PITPNC1: variants seen among roughly 807,000 people sequenced by gnomAD.
PITPNC1 encodes phosphatidylinositol transfer protein cytoplasmic 1.
A neutral mutation model predicts 44.7 loss-of-function variants in PITPNC1; 18 were observed. That is an observed-to-expected ratio of 0.40 (90% CI 0.28 to 0.60). The LOEUF (loss-of-function observed/expected upper bound fraction) is 0.60, where lower values mean the gene tolerates loss of function less well. Ranked by LOEUF, PITPNC1 falls within the 20% of genes least tolerant of loss-of-function variation. The pLI, the probability that PITPNC1 is intolerant of heterozygous loss-of-function variation, is 0.39. For synonymous variants in PITPNC1, 141 were observed against 149.6 expected (o/e 0.94, Z 0.42); for missense variants, 290 against 418.4 (o/e 0.69, Z 2.68).
intron 1 of PITPNC1, among the ~76,000 whole-genome samples, chr17:67,496,114 CTTT>C (rs2039949182): frequency 6.6e-6 from 1 of 152,082 alleles, no homozygotes; most frequent in African/African-American, 2.4e-5. Flanking sequence ...ATAGAGAGTG[CTTT>C]TGGAATACTA....
At chr17:67,548,294 A>C (rs564931331) in intron 2 of PITPNC1, among the ~76,000 whole-genome samples, 2 of 152,324 alleles carry the variant, frequency 1.3e-5, no homozygotes, top group African/African-American at 4.8e-5. Flanking sequence ...ACCAACGTTT[A>C]AAAGTAAGAA....
chr17:67,534,001 A>G lies in PITPNC1; in HGVS notation c.197+1051A>G, dbSNP rs934204154. Reference sequence around the variant, plus strand: ...CCTCCGCCTCCTGGGTTCAAGTGATACTCCTGCTTCAGCCTCCCGAGTAGC... The same window carrying G: ...CCTCCGCCTCCTGGGTTCAAGTGATGCTCCTGCTTCAGCCTCCCGAGTAGC... On this transcript the variant is annotated intron_variant, in intron 2 of 8. Coordinates refer to ENST00000581322, the MANE Select transcript of PITPNC1 (RefSeq NM_012417.4). Among the ~76,000 whole-genome samples the G allele has an allele frequency of 5.3e-4, 80 of 150,934 alleles. 1 individual carries two copies. Among genetic ancestry groups the G allele is most frequent in the African/African-American group, 1.8e-3 (74 of 40,970 alleles).
At chr17:67,629,422 G>A (rs2041938221) in intron 5 of PITPNC1, among the ~76,000 whole-genome samples, 1 of 152,152 alleles carries the variant, frequency 6.6e-6, no homozygotes, top group African/African-American at 2.4e-5. Context: ...ACAGGCACAT[G>A]CCAACATGCC....
chr17:67,581,474 G>A (rs537301987), intron 5 of PITPNC1, among the ~76,000 whole-genome samples: 1 of 152,286 alleles, frequency 6.6e-6, no homozygotes, highest in African/African-American at 2.4e-5. Flanking sequence ...GCCTGTCATG[G>A]CACCCAACTT....
intron 6 of PITPNC1, among the ~76,000 whole-genome samples, chr17:67,648,384 T>C (rs1027299907): frequency 2.0e-5 from 3 of 152,234 alleles, no homozygotes; most frequent in African/African-American, 7.2e-5. Flanking sequence ...GTTCAAAGGC[T>C]GCAAACCGAG....
At chr17:67,583,273 T>C (rs1011981330) in intron 5 of PITPNC1, among the ~76,000 whole-genome samples, 26 of 152,196 alleles carry the variant, frequency 1.7e-4, no homozygotes, top group African/African-American at 5.3e-4. Context: ...AGACCAGCAG[T>C]TCTCAATCAC....
chr17:67,553,703 T>G (rs1427291314), intron 4 of PITPNC1, 86 bp downstream of exon 4: 4 of 505,346 alleles, frequency 7.9e-6, no homozygotes, highest in Admixed American at 4.1e-5. Context: ...GTCTTATCAA[T>G]GTAATAATTA....
At chr17:67,515,125 C>A (rs2040241700) in intron 1 of PITPNC1, among the ~76,000 whole-genome samples, 1 of 152,162 alleles carries the variant, frequency 6.6e-6, no homozygotes, top group African/African-American at 2.4e-5. Context: ...ACCAGGCTGA[C>A]CTTCATTCCG....
At chr17:67,666,377 G>A (rs1359617140) in intron 6 of PITPNC1, among the ~76,000 whole-genome samples, 1 of 152,136 alleles carries the variant, frequency 6.6e-6, no homozygotes, top group Non-Finnish European at 1.5e-5. Context: ...TCAGGAAGGG[G>A]GACCAGTGCC....
intron 1 of PITPNC1, among the ~76,000 whole-genome samples, chr17:67,381,905 T>C (rs1383648998): frequency 7.2e-5 from 11 of 152,126 alleles, no homozygotes; most frequent in Admixed American, 7.2e-4. Flanking sequence ...CATTTAACAC[T>C]CTGGTGGTGG....
At chr17:67,564,400 C>T (rs1224233748) in intron 4 of PITPNC1, among the ~76,000 whole-genome samples, 1 of 152,112 alleles carries the variant, frequency 6.6e-6, no homozygotes, top group East Asian at 1.9e-4. Context: ...TATCCAAGGA[C>T]AGGAGGGGAG....
At position 67,630,088 on chromosome 17, in the gene PITPNC1, G is replaced by C. The variant is rs148763926; in HGVS notation, c.367-2055G>C. On this transcript the variant is annotated intron_variant, in intron 5 of 8. Transcript: ENST00000581322. ...CTTGAGAATCCAACCGAGATGAGTT[G>C]AGCCTATAAAGAGCCCTTCAGATGC... Among the ~76,000 whole-genome samples, 4 of 152,296 alleles carry C rather than the reference G, an allele frequency of 2.6e-5. No homozygotes were observed. In the East Asian group the frequency reaches 7.7e-4, roughly 29 times the overall value.
intron 1 of PITPNC1, among the ~76,000 whole-genome samples, chr17:67,530,721 C>G (rs1023097065): frequency 6.6e-6 from 1 of 152,048 alleles, no homozygotes; most frequent in Non-Finnish European, 1.5e-5. Flanking sequence ...TTTTTGAGCC[C>G]CAAGTACAAA....
chr17:67,585,602 A>G (rs1326321839), intron 5 of PITPNC1, among the ~76,000 whole-genome samples: 3 of 152,158 alleles, frequency 2.0e-5, no homozygotes, highest in Admixed American at 6.5e-5. Flanking sequence ...CAAGAGTTCA[A>G]GACCAGCCTG....
At chr17:67,562,913 G>T (rs1261690247) in intron 4 of PITPNC1, among the ~76,000 whole-genome samples, 1 of 152,142 alleles carries the variant, frequency 6.6e-6, no homozygotes, top group Non-Finnish European at 1.5e-5. Flanking sequence ...AAGCTGAAAG[G>T]TATTTTAAGA....
intron 7 of PITPNC1, among the ~76,000 whole-genome samples, chr17:67,673,301 G>C (rs907737034): frequency 2.0e-5 from 3 of 152,190 alleles, no homozygotes; most frequent in Non-Finnish European, 4.4e-5. Context: ...GAATGTTACA[G>C]GGATACTGTG....
At chr17:67,487,803 G>A (rs1159021728) in intron 1 of PITPNC1, among the ~76,000 whole-genome samples, 1 of 152,172 alleles carries the variant, frequency 6.6e-6, no homozygotes, top group Non-Finnish European at 1.5e-5. Context: ...TAGATGCACG[G>A]CCAGAGTTCA....
At chr17:67,562,292 C>G (rs2040915884) in intron 4 of PITPNC1, among the ~76,000 whole-genome samples, 1 of 152,152 alleles carries the variant, frequency 6.6e-6, no homozygotes, top group South Asian at 2.1e-4. Flanking sequence ...AGCGGAGAGG[C>G]CCGCGTGCAT....
chr17:67,667,670 T>TA (rs546338527), intron 6 of PITPNC1, among the ~76,000 whole-genome samples: 24,826 of 137,852 alleles, frequency 0.18, 2,237 homozygotes, highest in East Asian at 0.42. Context: ...TGATTAAACT[T>TA]AAAAAAAAAA....
Sources: gnomAD v4.1 joint callset for allele counts (sites outside exome capture counted in the v4.1 genomes callset) on GRCh38, gnomAD v4.1.1 for gene constraint, MANE v1.5 for transcripts, NCBI Gene and HGNC (gene_info 2026-07-23, HGNC 2026-07-21) for gene names.